COL4A3: variants seen among roughly 807,000 people sequenced by gnomAD.
COL4A3 encodes collagen alpha-3(IV) chain.
A neutral mutation model predicts 217.4 loss-of-function variants in COL4A3; 135 were observed. The observed-to-expected ratio is 0.62, with a 90% CI of 0.54 to 0.72. The LOEUF is 0.72. Ranked by LOEUF, COL4A3 falls within the 30% of genes least tolerant of loss-of-function variation. The probability of loss-of-function intolerance (pLI) is 0.00; values close to 1 mark genes in which losing one functional copy is unlikely to be tolerated. For synonymous variants in COL4A3, 690 were observed against 736.3 expected, an observed-to-expected ratio of 0.94 and a Z score of 1.02; for missense variants, 1,868 against 2,119.9, an observed-to-expected ratio of 0.88 and a Z score of 2.33.
chr2:227,289,877 G>T (rs1051073660), intron 35 of COL4A3, 122 bp from the exon 36 acceptor site: 9 of 887,940 alleles, frequency 1.0e-5, no homozygotes, highest in African/African-American at 3.3e-5. Context: ...AGCTAGACAA[G>T]TGCCCAAACC....
intron 1 of COL4A3, chr2:227,228,529 C>T (rs1043356114): frequency 3.3e-5 from 5 of 152,580 alleles, no homozygotes; most frequent in African/African-American, 1.2e-4. Context: ...ACTCCCCCTG[C>T]TATTAAACCA....
chr2:227,300,641 GA>G (rs988068227), intron 43 of COL4A3, among the ~76,000 whole-genome samples: 52 of 152,242 alleles, frequency 3.4e-4, no homozygotes, highest in Middle Eastern at 6.8e-3. Context: ...CCAATGGATA[GA>G]AAAACAAAAA....
intron 1 of COL4A3, among the ~76,000 whole-genome samples, chr2:227,233,790 C>T (rs74488413): frequency 0.21 from 32,413 of 151,998 alleles, 4,539 homozygotes; most frequent in Non-Finnish European, 0.31. Context: ...GGGAACAGCA[C>T]GCTCACATCA....
chr2:227,237,478 CA>C (rs2068764812), intron 1 of COL4A3, among the ~76,000 whole-genome samples: 1 of 151,988 alleles, frequency 6.6e-6, no homozygotes, highest in Non-Finnish European at 1.5e-5. Context: ...ATAAAAGGTA[CA>C]TATACATGTA....
At chr2:227,170,467 T>A in intron 1 of COL4A3, among the ~76,000 whole-genome samples, 1 of 152,080 alleles carries the variant, frequency 6.6e-6, no homozygotes, top group African/African-American at 2.4e-5. Flanking sequence ...AGGGACATCT[T>A]ACATGGTGGC....
Position 227,284,307 on chromosome 2 carries a change from C to G in COL4A3, c.2843C>G (p.Ser948Cys). ...GGAAATCCCGGGCCTTCAGAGATAT[C>G]CCACGTAATAGGGGACAAAGGAGAA... ...DKGNPGPSEI[S>C]HVIGDKGEPG... The change falls in exon 34 of 52, where the codon TCC (serine) becomes TGC (cysteine). Residue 948 changes from serine to cysteine, a missense_variant. Coordinates refer to ENST00000396578, the MANE Select transcript of COL4A3 (RefSeq NM_000091.5). 1 of 1,614,010 alleles carries G rather than the reference C, an allele frequency of 6.2e-7. No homozygotes were observed. Among genetic ancestry groups the G allele is most frequent in the Non-Finnish European group, 8.5e-7 (1 of 1,179,982 alleles).
chr2:227,190,736 G>A (rs372945723), intron 1 of COL4A3, among the ~76,000 whole-genome samples: 217 of 152,136 alleles, frequency 1.4e-3, no homozygotes, highest in South Asian at 6.2e-3. Flanking sequence ...GCGAAACCTC[G>A]TCTCTACAAA....
At chr2:227,189,882 A>G (rs1018761318) in intron 1 of COL4A3, among the ~76,000 whole-genome samples, 11 of 152,114 alleles carry the variant, frequency 7.2e-5, no homozygotes, top group Non-Finnish European at 7.4e-5. Context: ...GGTCTCAGCC[A>G]TATACTTCTC....
chr2:227,260,978 C>A, intron 19 of COL4A3, 104 bp from the exon 20 acceptor site: 1 of 919,790 alleles, frequency 1.1e-6, no homozygotes, highest in Non-Finnish European at 1.8e-6. Flanking sequence ...AGTATGAAAA[C>A]TCTGTATTAT....
intron 23 of COL4A3, among the ~76,000 whole-genome samples, chr2:227,267,600 T>TAAAC (rs747460926): frequency 5.4e-4 from 82 of 152,266 alleles, no homozygotes; most frequent in Non-Finnish European, 6.0e-4. Flanking sequence ...AGAAATGCAA[T>TAAAC]AAACAAACTG....
At chr2:227,193,799 AGGGGAGGGAGGGAG>A (rs2066347537) in intron 1 of COL4A3, among the ~76,000 whole-genome samples, 1 of 36,988 alleles carries the variant, frequency 2.7e-5, no homozygotes, top group Admixed American at 3.6e-4. Context: ...GAAGGAAGGA[AGGGGAGGGAGGGAG>A]GGAAGGAAAG....
At chr2:227,170,416 C>G (rs1324487656) in intron 1 of COL4A3, among the ~76,000 whole-genome samples, 1 of 152,012 alleles carries the variant, frequency 6.6e-6, no homozygotes, top group African/African-American at 2.4e-5. Context: ...ACTCACAGTT[C>G]TACGTGGCTG....
chr2:227,256,316 C>T (rs760231129), intron 16 of COL4A3, 27 bp from the exon 17 acceptor site: 3 of 1,610,504 alleles, frequency 1.9e-6, no homozygotes, highest in African/African-American at 1.3e-5. Flanking sequence ...TGTCTTCTGA[C>T]CCATTTCTTT....
Position 227,264,149 on chromosome 2 carries a change from C to T in COL4A3, c.1315+205C>T, listed in dbSNP as rs4396710. Among the ~76,000 whole-genome samples the T allele has an allele frequency of 0.074, 11,270 of 152,180 alleles. 551 individuals carry two copies. The highest frequency in any genetic ancestry group is 0.16 in the Admixed American group (2,492 of 15,284). On this transcript the variant is annotated intron_variant, in intron 21 of 51. Coordinates refer to ENST00000396578, the MANE Select transcript of COL4A3 (RefSeq NM_000091.5). ...TAACAAATGCAGCAAAGTCTTAGCC[C>T]GAGTTTCCCAGAGAGCAGAGTAGGA...
chr2:227,237,153 G>T (rs1360572342), intron 1 of COL4A3, among the ~76,000 whole-genome samples: 5 of 151,876 alleles, frequency 3.3e-5, no homozygotes, highest in African/African-American at 9.7e-5. Context: ...TTTTTGTTTT[G>T]GTTTTGGTTT....
chr2:227,196,682 C>T (rs10198349), intron 1 of COL4A3, among the ~76,000 whole-genome samples: 127,451 of 152,166 alleles, frequency 0.84, 53,689 homozygotes, highest in Non-Finnish European at 0.9. Flanking sequence ...AACACGATTG[C>T]GTTATAATTG....
intron 1 of COL4A3, among the ~76,000 whole-genome samples, chr2:227,174,287 ACACAC>A (rs2065595930): frequency 6.6e-6 from 1 of 152,206 alleles, no homozygotes; most frequent in South Asian, 2.1e-4. Context: ...TTGAAAACCA[ACACAC>A]CACACCTTGC....
chr2:227,174,681 A>G (rs2125650046), intron 1 of COL4A3, among the ~76,000 whole-genome samples: 2 of 152,062 alleles, frequency 1.3e-5, no homozygotes, highest in Middle Eastern at 6.8e-3. Flanking sequence ...TAATTTTTGT[A>G]TTTTTAGAAG....
chr2:227,202,746 A>AAATAT (rs1553738297), intron 1 of COL4A3, among the ~76,000 whole-genome samples: 17 of 22,184 alleles, frequency 7.7e-4, no homozygotes, highest in African/African-American at 1.8e-3. Flanking sequence ...AAAAAAAAAA[A>AAATAT]ATATATATAT....
Sources: allele counts gnomAD v4.1 joint callset (sites outside exome capture counted in the v4.1 genomes callset), GRCh38; gene constraint gnomAD v4.1.1; transcripts MANE v1.5; gene names NCBI Gene and HGNC (gene_info 2026-07-23, HGNC 2026-07-21).